Variants in PIEZO1 observed in about 807,000 individuals in gnomAD.
PIEZO1 encodes piezo-type mechanosensitive ion channel component 1.
In PIEZO1, 296 loss-of-function variants were observed where a neutral mutation model predicts 297.2. The observed-to-expected ratio is 1.00, with a 90% CI of 0.91 to 1.10. PIEZO1 has a LOEUF of 1.10. PIEZO1 is among the 50% of genes least tolerant of loss of function. The pLI is 0.00. For missense variants in PIEZO1, 5,018 were observed against 3,455.5 expected (o/e 1.45, Z -11.34); for synonymous variants, 2,427 against 1,507.5 (o/e 1.61, Z -14.13).
In PIEZO1 at chr16:88,734,824, G is replaced by A. The variant is rs942424241; in HGVS notation, c.1849-26C>T. ...CTGCCGGGTGAGGTGGGGGTGGTGA[G>A]GACCGCGGGGAGGGTCCGTGCCCCA... On this transcript the variant is annotated intron_variant, in intron 14 of 50. Transcript: ENST00000301015. 32 of 1,550,046 alleles carry A rather than the reference G, an allele frequency of 2.1e-5. 1 individual carries two copies. The highest frequency in any genetic ancestry group is 2.6e-5 in the Non-Finnish European group (30 of 1,146,880).
chr16:88,727,206 G>T lies in PIEZO1; in HGVS notation c.3302-14C>A. On this transcript the variant is annotated splice_polypyrimidine_tract_variant and intron_variant, in intron 23 of 50. Coordinates refer to ENST00000301015, the MANE Select transcript of PIEZO1 (RefSeq NM_001142864.4). ...GGAGAAAGTCGCCTGCAGGACACAG[G>T]AGCCGCCGCTGTGCCACACGGGGAC... The T allele has an allele frequency of 6.6e-7, 1 of 1,524,714 alleles. No homozygotes were observed. Among genetic ancestry groups the T allele is most frequent in the African/African-American group, 1.4e-5 (1 of 72,552 alleles). The allele number at this position is 1,524,714 out of a possible 1,614,324, so 94.4% of individuals were successfully genotyped here.
intron 2 of PIEZO1, chr16:88,743,603 C>A (rs1418519986): frequency 2.2e-6 from 1 of 456,638 alleles, no homozygotes; most frequent in Non-Finnish European, 4.4e-6. Flanking sequence ...TTTTTGAGCA[C>A]AAATGGTGTT....
intron 12 of PIEZO1, among the ~76,000 whole-genome samples, chr16:88,735,681 C>T (rs1905162675): frequency 6.6e-6 from 1 of 152,270 alleles, no homozygotes; most frequent in Non-Finnish European, 1.5e-5. Flanking sequence ...GGTGTCCAGA[C>T]ACGATGCTGG....
chr16:88,749,624 G>A lies in PIEZO1; in HGVS notation c.65-145C>T, dbSNP rs1009535626. On this transcript the variant is annotated intron_variant, in intron 1 of 50. Coordinates refer to ENST00000301015, the MANE Select transcript of PIEZO1 (RefSeq NM_001142864.4). ...GCCCTGAGCCAGAGCCGTGGAAGCC[G>A]CCTCGCGCTTCCGTACATATCTCAC... 19 of 618,702 alleles carry A rather than the reference G, an allele frequency of 3.1e-5. 1 individual carries two copies. Among genetic ancestry groups the A allele is most frequent in the South Asian group, 1.2e-4 (6 of 49,506 alleles). 38.3% of individuals were successfully genotyped at this position (618,702 alleles called of 1,614,324 possible).
intron 1 of PIEZO1, among the ~76,000 whole-genome samples, chr16:88,755,793 C>T (rs1442561349): frequency 6.6e-6 from 1 of 152,188 alleles, no homozygotes; most frequent in Admixed American, 6.5e-5. Context: ...AGCGGCCTCA[C>T]AGGAGAGCCT....
Position 88,750,715 on chromosome 16 carries a change from G to T in PIEZO1, c.65-1236C>A, listed in dbSNP as rs566209735. Among the ~76,000 whole-genome samples the T allele has an allele frequency of 1.5e-4, 23 of 152,350 alleles. No homozygotes were observed. In the East Asian group the frequency reaches 4.3e-3, roughly 28 times the overall value. On this transcript the variant is annotated intron_variant, in intron 1 of 50. Coordinates refer to ENST00000301015, the MANE Select transcript of PIEZO1 (RefSeq NM_001142864.4). ...TGAGGTTTGTCAGGAGATGAGGGGT[G>T]GGGCCTGATGTCGTCTCCTCGCAGG...
At position 88,723,022 on chromosome 16, in the gene PIEZO1, G is replaced by C. The variant is rs543403418; in HGVS notation, c.4496-13C>G. The C allele has an allele frequency of 6.5e-7, 1 of 1,543,518 alleles. No individual in the cohort carries two copies. Among genetic ancestry groups the C allele is most frequent in the African/African-American group, 1.4e-5 (1 of 72,946 alleles). ...ACATGGCTCCGGCCTGCGGGAGGGC[G>C]GGAGGGGGCGCTGGAGGGGCAGCCT... On this transcript the variant is annotated splice_polypyrimidine_tract_variant and intron_variant, in intron 33 of 50. Transcript: ENST00000301015.
intron 2 of PIEZO1, chr16:88,743,324 C>G (rs1238219048): frequency 2.2e-6 from 1 of 455,688 alleles, no homozygotes; most frequent in Non-Finnish European, 4.4e-6. Flanking sequence ...GGTTCTGAGT[C>G]CTGACAGGGC....
rs1905232956 is a variant in PIEZO1 at position 88,736,571 on chromosome 16, C to T, written c.1296+68G>A. On this transcript the variant is annotated intron_variant, in intron 11 of 50. Transcript: ENST00000301015. ...GGCTGCACAGCTGCCCAGCGCACCC[C>T]ACCCAGGCGATGCCCCACACCTGCG... 12 of 1,333,610 alleles carry T rather than the reference C, an allele frequency of 9.0e-6. No individual in the cohort carries two copies. In the East Asian group the frequency reaches 3.0e-4, roughly 34 times the overall value. The allele number at this position is 1,333,610 out of a possible 1,614,324, so 82.6% of individuals were successfully genotyped here.
At chr16:88,763,624 G>C (rs1427908624) in intron 1 of PIEZO1, among the ~76,000 whole-genome samples, 1 of 152,214 alleles carries the variant, frequency 6.6e-6, no homozygotes, top group Non-Finnish European at 1.5e-5. Context: ...TGAAGAACCA[G>C]GTCAGGGCAG....
At chr16:88,730,215 C>T (rs1171363868) in intron 22 of PIEZO1, among the ~76,000 whole-genome samples, 6 of 152,258 alleles carry the variant, frequency 3.9e-5, no homozygotes, top group Admixed American at 2.6e-4. Context: ...TCCTAGAACT[C>T]GATTGGGCTC....
At chr16:88,726,039 G>A (rs1904399641) in intron 27 of PIEZO1, 5 of 570,336 alleles carry the variant, frequency 8.8e-6, no homozygotes, top group African/African-American at 3.7e-5. Flanking sequence ...AAAGTTGGCT[G>A]GGGGTGAGAC....
Position 88,738,074 on chromosome 16 carries a change from T to C in PIEZO1, c.880A>G (p.Thr294Ala), listed in dbSNP as rs1228399328. Residue 294 changes from threonine (T) to alanine (A), a missense_variant, in exon 8 of 51, where the codon ACC becomes GCC. Thr to Ala is a moderately conservative substitution (Grantham distance 58, BLOSUM62 0). Coordinates refer to ENST00000301015, the MANE Select transcript of PIEZO1 (RefSeq NM_001142864.4). ...AGCGCGTGGGGGCTGGAGCAGTTGG[T>C]GGGACCCACGAAGTCCTTGAGACCC... ...VLGLKDFVGP[T>A]NCSSPHALVL... 6 of 1,535,646 alleles carry C rather than the reference T, an allele frequency of 3.9e-6. No individual in the cohort carries two copies. The highest frequency in any genetic ancestry group is 2.0e-5 in the Admixed American group (1 of 50,972).
chr16:88,739,156 C>T (rs1014569395), intron 5 of PIEZO1: 11 of 175,440 alleles, frequency 6.3e-5, no homozygotes, highest in African/African-American at 1.9e-4. Context: ...AGGGACATGG[C>T]CAGGCTCCAG....
At position 88,715,362 on chromosome 16, in the gene PIEZO1, A is replaced by AAAC. The variant is rs925564859; in HGVS notation, c.*240_*242dup. On this transcript the variant is annotated 3_prime_UTR_variant, in exon 51 of 51. Coordinates refer to ENST00000301015, the MANE Select transcript of PIEZO1 (RefSeq NM_001142864.4). ...CTCTGATTGTCCATTTGTATAAATA[A>AAAC]AACATTTTTTAATTAAAAAAAAAAC... 53 of 1,237,838 alleles carry AAAC rather than the reference A, an allele frequency of 4.3e-5. No individual in the cohort carries two copies. The South Asian group carries it at 6.7e-4, about 16-fold the overall frequency. The allele number at this position is 1,237,838 out of a possible 1,614,324, so 76.7% of individuals were successfully genotyped here. A position where few individuals can be genotyped will look rare whatever the true frequency, so the allele number is the denominator to read the frequency against.
intron 5 of PIEZO1, chr16:88,741,274 G>C: frequency 1.9e-6 from 1 of 532,340 alleles, no homozygotes; most frequent in South Asian, 2.5e-5. Flanking sequence ...ACTAGAGGCA[G>C]AGCCCGAGTA....
rs371611772 is a variant in PIEZO1 at position 88,721,553 on chromosome 16, G to A, written c.5388C>T (p.His1796=). The A allele has an allele frequency of 2.1e-5, 32 of 1,549,584 alleles. No individual in the cohort carries two copies. The South Asian group carries it at 2.5e-4, about 12-fold the overall frequency. ...DLVQLMALFF[H]RSQLLCYGLW... ...TCACACTCACCAGCAGCTGGGAGCGGTGGAAGAAAAGGGCCATGAGCTGCA... is the reference window on the plus strand; with the variant it reads ...TCACACTCACCAGCAGCTGGGAGCGATGGAAGAAAAGGGCCATGAGCTGCA... Residue 1796 remains histidine, a synonymous_variant, in exon 38 of 51, where the codon CAC becomes CAT. Transcript: ENST00000301015.
At position 88,725,697 on chromosome 16, in the gene PIEZO1, G is replaced by A. The variant is rs933311660; in HGVS notation, c.3969-13C>T. 68 of 1,416,746 alleles carry A rather than the reference G, an allele frequency of 4.8e-5. No homozygotes were observed. The highest frequency in any genetic ancestry group is 4.0e-4 in the East Asian group (16 of 40,246). 87.8% of individuals were successfully genotyped at this position (1,416,746 alleles called of 1,614,324 possible). Reference sequence around the variant, plus strand: ...GAGGGCGAAGCCCCTGTAGGGAGGCGGGGATGGGGTGTGAGCACCAGGCAC... The same window carrying A: ...GAGGGCGAAGCCCCTGTAGGGAGGCAGGGATGGGGTGTGAGCACCAGGCAC... On this transcript the variant is annotated splice_polypyrimidine_tract_variant and intron_variant, in intron 27 of 50. Transcript: ENST00000301015.
rs543604569 is a variant in PIEZO1, at chr16:88,738,000, G to A, written c.954C>T (p.Val318=). The change falls in exon 8 of 51, where the codon GTC becomes GTT. Residue 318 remains valine (V), a synonymous_variant. Transcript: ENST00000301015. The part of the protein sequence containing the change: ...LDWPVYASPG[V]LLLLCYATAS... ...CCGTGGCGTAGCACAGCAGCAGGAG[G>A]ACGCCGGGGCTGGCATACACAGGCC... 152 of 1,535,406 alleles carry A rather than the reference G, an allele frequency of 9.9e-5. No homozygotes were observed. The South Asian group carries it at 1.7e-3, about 17-fold the overall frequency.
Sources: allele counts gnomAD v4.1 joint callset (sites outside exome capture counted in the v4.1 genomes callset), GRCh38; gene constraint gnomAD v4.1.1; transcripts MANE v1.5; gene names NCBI Gene and HGNC (gene_info 2026-07-23, HGNC 2026-07-21).